Variants in RBFOX1 observed in about 807,000 individuals in gnomAD.
RBFOX1 encodes RNA binding protein fox-1 homolog 1.
A neutral mutation model predicts 57.7 loss-of-function variants in RBFOX1; 8 were observed. The observed-to-expected ratio is 0.14, with a 90% CI of 0.08 to 0.25. The LOEUF is 0.25. Among genes scored for constraint, RBFOX1 ranks in the 10% least tolerant of loss-of-function variants. RBFOX1 has a pLI of 1.00. For missense variants in RBFOX1, 611 were observed against 548.5 expected, an observed-to-expected ratio of 1.11 and a Z score of -1.14; for synonymous variants, 326 against 222.4, an observed-to-expected ratio of 1.47 and a Z score of -4.15.
intron 1 of RBFOX1, among the ~76,000 whole-genome samples, chr16:6,294,027 C>A (rs1213817393): frequency 6.6e-6 from 1 of 152,084 alleles, no homozygotes. Context: ...ATCAAAAAGT[C>A]AAATTTCAAC....
At chr16:7,335,026 A>G (rs2096760490) in intron 4 of RBFOX1, among the ~76,000 whole-genome samples, 2 of 152,294 alleles carry the variant, frequency 1.3e-5, no homozygotes, top group South Asian at 4.1e-4. Context: ...ACACACAGAG[A>G]GAAACTGGCT....
chr16:6,966,891 C>G (rs1019663581), intron 3 of RBFOX1, among the ~76,000 whole-genome samples: 1 of 111,832 alleles, frequency 8.9e-6, no homozygotes, highest in Non-Finnish European at 1.8e-5. Context: ...ATCTATTCAT[C>G]TCTCCATCCA....
At chr16:7,006,775 C>T (rs370543611) in intron 3 of RBFOX1, among the ~76,000 whole-genome samples, 9 of 152,278 alleles carry the variant, frequency 5.9e-5, no homozygotes, top group African/African-American at 2.2e-4. Flanking sequence ...AAAGTAAACC[C>T]TATGCAGAAG....
chr16:7,350,190 G>T (rs1269397909), intron 4 of RBFOX1, among the ~76,000 whole-genome samples: 1 of 152,096 alleles, frequency 6.6e-6, no homozygotes, highest in Non-Finnish European at 1.5e-5. Context: ...GACTGAAAGG[G>T]TTATTTTAGA....
chr16:5,678,817 C>G (rs2050244814), intron 3 of RBFOX1, among the ~76,000 whole-genome samples: 1 of 152,194 alleles, frequency 6.6e-6, no homozygotes, highest in South Asian at 2.1e-4. Context: ...ACCCGCTGTT[C>G]TAGCACGTTA....
intron 4 of RBFOX1, among the ~76,000 whole-genome samples, chr16:7,129,508 A>G (rs1468601945): frequency 1.2e-4 from 18 of 152,296 alleles, no homozygotes; most frequent in Non-Finnish European, 7.3e-5. Flanking sequence ...AATTTCAAGG[A>G]TAAGACCTTG....
intron 3 of RBFOX1, among the ~76,000 whole-genome samples, chr16:5,728,730 G>T (rs539373103): frequency 6.6e-6 from 1 of 152,220 alleles, no homozygotes; most frequent in African/African-American, 2.4e-5. Flanking sequence ...CCTGAAATAA[G>T]ATTTCTTCCA....
chr16:6,334,845 G>C (rs2083440119), intron 2 of RBFOX1, among the ~76,000 whole-genome samples: 1 of 152,164 alleles, frequency 6.6e-6, no homozygotes, highest in African/African-American at 2.4e-5. Context: ...TTCTGCTCTA[G>C]ACAGAAGAAA....
chr16:6,373,604 G>A (rs2090781028), intron 2 of RBFOX1, among the ~76,000 whole-genome samples: 2 of 151,854 alleles, frequency 1.3e-5, no homozygotes, highest in Non-Finnish European at 2.9e-5. Context: ...CGGATGAGAG[G>A]ATGGTTGGCA....
intron 1 of RBFOX1, among the ~76,000 whole-genome samples, chr16:6,138,952 C>T (rs548198506): frequency 1.3e-5 from 2 of 152,298 alleles, no homozygotes; most frequent in Admixed American, 6.5e-5. Context: ...CTTGCCCACA[C>T]TGAAGAGGAG....
chr16:6,964,377 G>T (rs984056030), intron 3 of RBFOX1, among the ~76,000 whole-genome samples: 5 of 152,156 alleles, frequency 3.3e-5, no homozygotes, highest in African/African-American at 9.7e-5. Context: ...TGGTGGATCT[G>T]TGTCGTTATA....
chr16:5,375,158 C>G (rs944246327), intron 1 of RBFOX1, among the ~76,000 whole-genome samples: 1 of 150,570 alleles, frequency 6.6e-6, no homozygotes, highest in African/African-American at 2.5e-5. Context: ...AGAGTTAAAC[C>G]GATCTCTTCG....
chr16:7,447,624 G>T (rs935249755), intron 4 of RBFOX1, among the ~76,000 whole-genome samples: 1 of 152,096 alleles, frequency 6.6e-6, no homozygotes, highest in African/African-American at 2.4e-5. Flanking sequence ...TTATAAAGTG[G>T]TCAAGAGCTG....
chr16:5,856,187 C>CTATATATATATATATATATATATA (rs1200113050), intron 3 of RBFOX1, among the ~76,000 whole-genome samples: 2 of 31,064 alleles, frequency 6.4e-5, no homozygotes, highest in Non-Finnish European at 1.1e-4. Flanking sequence ...CTCTCTCTCT[C>CTATATATATATATATATATATATA]TATATATATA....
chr16:6,316,201 T>TAAAC (rs146799214), intron 1 of RBFOX1, among the ~76,000 whole-genome samples: 48,174 of 151,896 alleles, frequency 0.32, 8,101 homozygotes, highest in Middle Eastern at 0.41. Flanking sequence ...TAGGATGCCG[T>TAAAC]AAACATCTTT....
chr16:6,074,269 C>A (rs2095870361), intron 1 of RBFOX1, among the ~76,000 whole-genome samples: 1 of 152,104 alleles, frequency 6.6e-6, no homozygotes, highest in African/African-American at 2.4e-5. Flanking sequence ...TTCTCTCTCC[C>A]CCTCTCTGTT....
At chr16:5,516,388 C>G (rs552131118) in intron 2 of RBFOX1, among the ~76,000 whole-genome samples, 1 of 152,194 alleles carries the variant, frequency 6.6e-6, no homozygotes, top group East Asian at 1.9e-4. Flanking sequence ...CACATTATTT[C>G]TTGTCTCCCA....
At position 5,636,670 on chromosome 16, in the gene RBFOX1, T is replaced by G. The variant is rs550353553; in HGVS notation, c.318+37709T>G. Among the ~76,000 whole-genome samples the G allele has an allele frequency of 3.3e-5, 5 of 152,216 alleles. No individual in the cohort carries two copies. In the East Asian group the frequency reaches 9.7e-4, roughly 29 times the overall value. ...TCGTAGGAATATGAATCTAGCAAAATTCTTGGTAGACCTGAGATCATACCC... is the reference window on the plus strand; with the variant it reads ...TCGTAGGAATATGAATCTAGCAAAAGTCTTGGTAGACCTGAGATCATACCC... On this transcript the variant is annotated intron_variant, in intron 3 of 19. Coordinates refer to the RBFOX1 transcript ENST00000641259.
chr16:6,585,417 A>G (rs2097594811), intron 2 of RBFOX1, among the ~76,000 whole-genome samples: 1 of 152,166 alleles, frequency 6.6e-6, no homozygotes, highest in South Asian at 2.1e-4. Context: ...TTCAATTTTA[A>G]TTCTAAGGTT....
Sources: allele counts gnomAD v4.1 joint callset (sites outside exome capture counted in the v4.1 genomes callset), GRCh38; gene constraint gnomAD v4.1.1; transcripts MANE v1.5; gene names NCBI Gene and HGNC (gene_info 2026-07-23, HGNC 2026-07-21).